The following KLHL20 variants were observed in gnomAD, a reference collection of about 807,000 sequenced individuals.
KLHL20 encodes kelch-like protein 20.
Under a neutral mutation model 69.5 loss-of-function variants are expected in KLHL20, and 29 were observed. The ratio of observed to expected loss-of-function variants is 0.42; its 90% CI spans 0.31 to 0.57. KLHL20 has a LOEUF of 0.57. Among genes scored for constraint, KLHL20 ranks in the 20% least tolerant of loss-of-function variants. The probability of loss-of-function intolerance (pLI) is 0.18; values close to 1 mark genes in which losing one functional copy is unlikely to be tolerated. For synonymous variants in KLHL20, 253 were observed against 265.2 expected (o/e 0.95, Z 0.45); for missense variants, 419 against 776.0 (o/e 0.54, Z 5.47).
chr1:173,762,979 A>C (rs1314756412), intron 7 of KLHL20, among the ~76,000 whole-genome samples: 1 of 152,188 alleles, frequency 6.6e-6, no homozygotes, highest in East Asian at 1.9e-4. Flanking sequence ...TGAAAATCCT[A>C]AGGACTCCTC....
intron 11 of KLHL20, 64 bp downstream of exon 11, chr1:173,782,294 GC>G (rs1167276095): frequency 8.2e-7 from 1 of 1,217,964 alleles, no homozygotes; most frequent in Non-Finnish European, 1.2e-6. Flanking sequence ...GCTTGAAATA[GC>G]CTATGACCAT....
chr1:173,751,661 G>T, intron 3 of KLHL20, 103 bp from the exon 4 acceptor site: 2 of 1,072,228 alleles, frequency 1.9e-6, no homozygotes, highest in Non-Finnish European at 2.7e-6. Context: ...TGAAACTTCA[G>T]CGCATTGTAG....
chr1:173,766,478 A>AT (rs1647717440), intron 8 of KLHL20, among the ~76,000 whole-genome samples, 189 bp downstream of exon 8: 1 of 128,656 alleles, frequency 7.8e-6, no homozygotes. Flanking sequence ...GATAAAAAAT[A>AT]CAAAAAAAAA....
At chr1:173,721,981 G>A (rs938030362) in intron 2 of KLHL20, among the ~76,000 whole-genome samples, 5 of 152,128 alleles carry the variant, frequency 3.3e-5, no homozygotes, top group East Asian at 3.9e-4. Flanking sequence ...TTTAGATAGC[G>A]TATTAGTCCA....
chr1:173,726,080 C>T (rs921703202), intron 2 of KLHL20, among the ~76,000 whole-genome samples: 9 of 152,268 alleles, frequency 5.9e-5, no homozygotes, highest in Admixed American at 1.3e-4. Flanking sequence ...TCTTAGCAAA[C>T]GGCACGCCAG....
chr1:173,781,067 G>A (rs1648843977), intron 10 of KLHL20, among the ~76,000 whole-genome samples: 1 of 145,168 alleles, frequency 6.9e-6, no homozygotes, highest in Non-Finnish European at 1.5e-5. Flanking sequence ...GGAGGGGAGG[G>A]GAGAAGAAAA....
Position 173,785,972 on chromosome 1 carries a change from A to C in KLHL20, c.*725A>C, listed in dbSNP as rs1649182346. ...TAGAGCTCTGCTCAGTGCCTCTTAT[A>C]AAAACAATATATAAGTCTCATATGC... On this transcript the variant is annotated 3_prime_UTR_variant, in exon 12 of 12. Coordinates refer to ENST00000209884, the MANE Select transcript of KLHL20 (RefSeq NM_014458.4). 6.6e-6 allele frequency: 1 copy of C among 152,204 alleles called. No homozygotes were observed. The highest frequency in any genetic ancestry group is 1.5e-5 in the Non-Finnish European group (1 of 68,038). 9.4% of individuals were successfully genotyped at this position (152,204 alleles called of 1,614,324 possible).
intron 3 of KLHL20, among the ~76,000 whole-genome samples, chr1:173,739,797 G>A (rs1419771266): frequency 1.1e-4 from 16 of 151,746 alleles, no homozygotes; most frequent in Admixed American, 9.2e-4. Context: ...CTGCCACCAC[G>A]CCCAGCTAAT....
At chr1:173,765,589 A>G (rs1180455041) in intron 7 of KLHL20, among the ~76,000 whole-genome samples, 1 of 152,210 alleles carries the variant, frequency 6.6e-6, no homozygotes, top group African/African-American at 2.4e-5. Flanking sequence ...AAGGATGAAC[A>G]TTGTTTTTAA....
intron 1 of KLHL20, 94 bp downstream of exon 1, chr1:173,715,172 A>T (rs540946304): frequency 1.3e-5 from 2 of 152,354 alleles, no homozygotes; most frequent in Admixed American, 6.5e-5. Context: ...GAGCTGCCCC[A>T]TGGGGTCAGG....
chr1:173,718,804 A>C (rs866365725), intron 2 of KLHL20, among the ~76,000 whole-genome samples: 3 of 152,164 alleles, frequency 2.0e-5, no homozygotes, highest in Non-Finnish European at 4.4e-5. Context: ...ATCTTTATTC[A>C]CTTGAAAAAT....
intron 2 of KLHL20, among the ~76,000 whole-genome samples, chr1:173,724,922 ATC>A (rs1671886795): frequency 6.6e-6 from 1 of 152,200 alleles, no homozygotes; most frequent in Non-Finnish European, 1.5e-5. Flanking sequence ...TTCTTAGACC[ATC>A]CCCGTTAATT....
At chr1:173,721,740 G>A (rs1018116033) in intron 2 of KLHL20, among the ~76,000 whole-genome samples, 3 of 152,190 alleles carry the variant, frequency 2.0e-5, no homozygotes, top group African/African-American at 7.2e-5. Context: ...TTCTGGTGTG[G>A]AATCAGGTGT....
chr1:173,778,069 T>C (rs1648590166), intron 10 of KLHL20, among the ~76,000 whole-genome samples: 1 of 152,158 alleles, frequency 6.6e-6, no homozygotes, highest in African/African-American at 2.4e-5. Flanking sequence ...GATTTTTTTT[T>C]CTTTTTTTTA....
At chr1:173,756,954 A>C (rs1673577036) in intron 6 of KLHL20, 22 bp from the exon 7 acceptor site, 2 of 1,609,644 alleles carry the variant, frequency 1.2e-6, no homozygotes, top group African/African-American at 1.3e-5. Flanking sequence ...GATTCTCTTG[A>C]CCATTTCTGT....
At chr1:173,731,560 C>T (rs1212441238) in intron 2 of KLHL20, among the ~76,000 whole-genome samples, 1 of 152,112 alleles carries the variant, frequency 6.6e-6, no homozygotes, top group African/African-American at 2.4e-5. Context: ...ATTTCATGTC[C>T]TTTGTATGGA....
chr1:173,762,839 C>T (rs905113760), intron 7 of KLHL20, among the ~76,000 whole-genome samples: 5 of 152,122 alleles, frequency 3.3e-5, no homozygotes, highest in African/African-American at 1.2e-4. Flanking sequence ...CCACTCTCAC[C>T]ACTCCTCTTC....
chr1:173,784,731 T>C lies in KLHL20; in HGVS notation c.1746-432T>C, dbSNP rs1450094894. Among the ~76,000 whole-genome samples, 2 of 152,090 alleles carry C rather than the reference T, an allele frequency of 1.3e-5. 1 individual carries two copies. The highest frequency in any genetic ancestry group is 2.9e-5 in the Non-Finnish European group (2 of 68,010). Reference sequence around the variant, plus strand: ...CTTGAAGAGGCTTACAGAGTACATATAAGACAAAGGGATAAAAATAAATAA... The same window carrying C: ...CTTGAAGAGGCTTACAGAGTACATACAAGACAAAGGGATAAAAATAAATAA... On this transcript the variant is annotated intron_variant, in intron 11 of 11. Transcript: ENST00000209884.
chr1:173,741,852 T>C (rs1442867168), intron 3 of KLHL20: 14 of 1,586,224 alleles, frequency 8.8e-6, no homozygotes, highest in Non-Finnish European at 1.2e-5. Flanking sequence ...TGTTGGCTGC[T>C]CCACTGTCCT....
Sources: allele counts gnomAD v4.1 joint callset (sites outside exome capture counted in the v4.1 genomes callset), GRCh38; gene constraint gnomAD v4.1.1; transcripts MANE v1.5; gene names NCBI Gene and HGNC (gene_info 2026-07-23, HGNC 2026-07-21).